The following ABCG8 variants were observed in gnomAD, a reference collection of about 807,000 sequenced individuals.
The protein encoded by ABCG8 is ATP-binding cassette sub-family G member 8.
ABCG8 carries 81 observed loss-of-function variants against 71.3 expected under a neutral mutation model. That is an observed-to-expected ratio of 1.14 (90% confidence interval 0.95 to 1.37). The LOEUF is 1.37. ABCG8 is among the 40% of genes most tolerant of loss of function. The probability of loss-of-function intolerance (pLI) is 0.00; values close to 1 mark genes in which losing one functional copy is unlikely to be tolerated. For synonymous variants in ABCG8, 451 were observed against 354.7 expected, an observed-to-expected ratio of 1.27 and a Z score of -3.05; for missense variants, 1,119 against 866.2, an observed-to-expected ratio of 1.29 and a Z score of -3.66.
At chr2:43,857,345 T>C (rs60632368) in intron 6 of ABCG8, among the ~76,000 whole-genome samples, 1 of 151,636 alleles carries the variant, frequency 6.6e-6, no homozygotes, top group Non-Finnish European at 1.5e-5. Flanking sequence ...GATAGAACTC[T>C]CTCGTATTCC....
intron 6 of ABCG8, among the ~76,000 whole-genome samples, chr2:43,862,077 T>C (rs1669340501): frequency 6.6e-6 from 1 of 151,170 alleles, no homozygotes; most frequent in Non-Finnish European, 1.5e-5. Context: ...GATAGAATTC[T>C]TACTCTCTTG....
At chr2:43,851,550 T>G in intron 3 of ABCG8, 34 bp from the exon 4 acceptor site, 1 of 1,611,398 alleles carries the variant, frequency 6.2e-7, no homozygotes, top group Non-Finnish European at 8.5e-7. Context: ...CCACAGAAGC[T>G]CCGCTCTCAG....
rs1558865541 is a variant in ABCG8, at chr2:43,878,009, A to G, written c.*96A>G. On this transcript the variant is annotated 3_prime_UTR_variant, in exon 13 of 13. Transcript: ENST00000272286. ...CCCCTTCCTGGGGACAGTGAGGACA[A>G]TGACCCTACAGATGCTCAGCTACAT... 1.0e-5 allele frequency: 16 copies of G among 1,563,728 alleles called. No individual in the cohort carries two copies. The highest frequency in any genetic ancestry group is 6.8e-5 in the South Asian group (6 of 87,718).
At chr2:43,846,718 T>C (rs148470313) in intron 3 of ABCG8, 57 of 295,164 alleles carry the variant, frequency 1.9e-4, no homozygotes, top group Middle Eastern at 1.2e-3. Flanking sequence ...TGCCACACTC[T>C]CACCTCTCAG....
Position 43,852,704 on chromosome 2 carries a change from T to C in ABCG8, c.800T>C (p.Ile267Thr). ...RLAKGNRLVL[I>T]SLHQPRSDIF... ...GCCAAAGGCAACCGGCTGGTGCTCA[T>C]CTCCCTCCACCAGCCTCGCTCTGAC... The change falls in exon 6 of 13, where the codon ATC (isoleucine) becomes ACC (threonine). Residue 267 changes from isoleucine to threonine, a missense_variant. By Grantham distance (89) the Ile-to-Thr change is moderately conservative (BLOSUM62 -1). Transcript: ENST00000272286. The C allele has an allele frequency of 6.2e-7, 1 of 1,614,146 alleles. No homozygotes were observed. Among genetic ancestry groups the C allele is most frequent in the Non-Finnish European group, 8.5e-7 (1 of 1,180,014 alleles).
chr2:43,870,802 A>C lies in ABCG8; in HGVS notation c.965-1174A>C, dbSNP rs898911604. On this transcript the variant is annotated intron_variant, in intron 6 of 12. Coordinates refer to ENST00000272286, the MANE Select transcript of ABCG8 (RefSeq NM_022437.3). ...TTCACCATCTGGATAGAATCTCACT[A>C]TCTAGATAGAATTCTCATTCTCTGG... Among the ~76,000 whole-genome samples the C allele has an allele frequency of 3.3e-5, 5 of 149,416 alleles. No individual in the cohort carries two copies. The South Asian group carries it at 1.1e-3, about 32-fold the overall frequency.
chr2:43,846,988 GTGCACACACACACA>G (rs1464297195), intron 3 of ABCG8: 25 of 124,432 alleles, frequency 2.0e-4, no homozygotes, highest in South Asian at 5.4e-4. Flanking sequence ...GCACGCGCGC[GTGCACACACACACA>G]CACACACACA....
intron 11 of ABCG8, among the ~76,000 whole-genome samples, chr2:43,877,186 A>G (rs1669986755): frequency 7.2e-6 from 1 of 139,502 alleles, no homozygotes; most frequent in East Asian, 2.3e-4. Flanking sequence ...CAATATAAAG[A>G]AGACCATGGG....
chr2:43,873,127 C>T (rs998411551), intron 8 of ABCG8, among the ~76,000 whole-genome samples: 29 of 152,040 alleles, frequency 1.9e-4, no homozygotes, highest in African/African-American at 6.0e-4. Flanking sequence ...ATCTTGATGG[C>T]CAGATTATCT....
chr2:43,867,925 C>T (rs1669591232), intron 6 of ABCG8, among the ~76,000 whole-genome samples: 1 of 151,504 alleles, frequency 6.6e-6, no homozygotes, highest in Non-Finnish European at 1.5e-5. Flanking sequence ...CTGGATAAAA[C>T]TCTCACTATC....
chr2:43,865,074 G>C (rs1472493517), intron 6 of ABCG8, among the ~76,000 whole-genome samples: 5 of 145,368 alleles, frequency 3.4e-5, no homozygotes, highest in African/African-American at 1.0e-4. Flanking sequence ...CCCACTATCT[G>C]TCTGGATAGA....
intron 6 of ABCG8, among the ~76,000 whole-genome samples, chr2:43,854,667 G>A (rs1401528245): frequency 6.6e-6 from 1 of 151,580 alleles, no homozygotes; most frequent in Non-Finnish European, 1.5e-5. Context: ...GAGGGAAGGG[G>A]AAGAGAGAGG....
At position 43,871,975 on chromosome 2, in the gene ABCG8, G is replaced by C. The variant is rs957176669; in HGVS notation, c.965-1G>C. 8 of 1,614,050 alleles carry C rather than the reference G, an allele frequency of 5.0e-6. No individual in the cohort carries two copies. The Middle Eastern group carries it at 9.9e-4, about 200-fold the overall frequency. On this transcript the variant is annotated splice_acceptor_variant, in intron 6 of 12. Coordinates refer to ENST00000272286, the MANE Select transcript of ABCG8 (RefSeq NM_022437.3). LOFTEE classifies it high-confidence loss of function. ...TGTGACTCCACATCCCCTGCTTGCA[G>C]TGGACCTGACCAGCATTGACAGGCG...
At position 43,873,878 on chromosome 2, in the gene ABCG8, T is replaced by A. The variant is rs779262621; in HGVS notation, c.1303T>A (p.Tyr435Asn). The change falls in exon 9 of 13, where the codon TAT becomes AAT. Residue 435 changes from tyrosine to asparagine, a missense_variant. Transcript: ENST00000272286. ...CLMSMTIGFL[Y>N]FGHGSIQLSF... is the part of the protein sequence containing the mutation. ...GATGTCAATGACCATCGGCTTCCTC[T>A]ATTTTGGCCATGGGAGCATCCAGCT... The A allele has an allele frequency of 6.2e-7, 1 of 1,614,044 alleles. No homozygotes were observed. Among genetic ancestry groups the A allele is most frequent in the Non-Finnish European group, 8.5e-7 (1 of 1,180,044 alleles).
intron 6 of ABCG8, among the ~76,000 whole-genome samples, chr2:43,857,517 A>C (rs758833489): frequency 2.2e-4 from 33 of 151,210 alleles, no homozygotes; most frequent in Admixed American, 5.3e-4. Flanking sequence ...AACCCTCACT[A>C]TCTATATGGA....
chr2:43,847,745 G>C (rs1159752170), intron 3 of ABCG8: 1 of 151,580 alleles, frequency 6.6e-6, no homozygotes, highest in Non-Finnish European at 1.5e-5. Context: ...ATAGTCTCCT[G>C]TTTTGTTTTT....
At chr2:43,874,095 A>ATTAT (rs1669874516) in intron 9 of ABCG8, 109 bp downstream of exon 9, 2 of 1,181,140 alleles carry the variant, frequency 1.7e-6, no homozygotes, top group East Asian at 4.7e-5. Flanking sequence ...GTGATATATA[A>ATTAT]GACAATAATG....
rs200207405 is a variant in ABCG8, at chr2:43,874,492, G to A, written c.1488+9G>A. Reference sequence around the variant, plus strand: ...CATATTTCTTTGCCAAGGTGACTGGGCAGGGTTGAGAGCAAGTGCCCCCCA... The same window carrying A: ...CATATTTCTTTGCCAAGGTGACTGGACAGGGTTGAGAGCAAGTGCCCCCCA... On this transcript the variant is annotated intron_variant, in intron 10 of 12. Coordinates refer to ENST00000272286, the MANE Select transcript of ABCG8 (RefSeq NM_022437.3). 1.0e-5 allele frequency: 16 copies of A among 1,593,088 alleles called. No individual in the cohort carries two copies. Among genetic ancestry groups the A allele is most frequent in the Middle Eastern group, 3.3e-4 (2 of 6,050 alleles).
At chr2:43,863,065 A>G (rs376738719) in intron 6 of ABCG8, among the ~76,000 whole-genome samples, 28 of 147,954 alleles carry the variant, frequency 1.9e-4, no homozygotes, top group Admixed American at 1.0e-3. Context: ...CTTACTATCT[A>G]TCTTGATAGG....
Sources: gnomAD v4.1 joint callset for allele counts (sites outside exome capture counted in the v4.1 genomes callset) on GRCh38, gnomAD v4.1.1 for gene constraint, MANE v1.5 for transcripts, NCBI Gene and HGNC (gene_info 2026-07-23, HGNC 2026-07-21) for gene names.